ENPP7: variants seen among roughly 807,000 people sequenced by gnomAD.
ENPP7 encodes ectonucleotide pyrophosphatase/phosphodiesterase 7, also known as ectonucleotide pyrophosphatase/phosphodiesterase family member 7.
In ENPP7, 39 loss-of-function variants were observed where a neutral mutation model predicts 33.6. The observed-to-expected ratio is 1.16, with a 90% confidence interval of 0.90 to 1.52. ENPP7 has a LOEUF of 1.52. ENPP7 is among the 40% of genes most tolerant of loss of function. The probability of loss-of-function intolerance (pLI) is 0.00; values close to 1 mark genes in which losing one functional copy is unlikely to be tolerated. For synonymous variants in ENPP7, 244 were observed against 274.3 expected, an observed-to-expected ratio of 0.89 and a Z score of 1.09; for missense variants, 594 against 641.0, an observed-to-expected ratio of 0.93 and a Z score of 0.79.
Position 79,739,786 on chromosome 17 carries a change from CA to C in ENPP7, c.*16+1726del. ...ACTTGTCAACACAAGCTATGGGACT[CA>C]ATGAAAGCCCCCAGCCAGAAGGAGT... On this transcript the variant is annotated intron_variant, in intron 5 of 5. Transcript: ENST00000328313. The surrounding 1 kb of genome is among the most constrained non-coding windows in gnomAD (Gnocchi z 4.4). Among the ~76,000 whole-genome samples, 1 of 152,276 alleles carries C rather than the reference CA, an allele frequency of 6.6e-6. No homozygotes were observed. The highest frequency in any genetic ancestry group is 2.4e-5 in the African/African-American group (1 of 41,566).
At position 79,737,012 on chromosome 17, in the gene ENPP7, A is replaced by C. The variant is rs1220076431; in HGVS notation, c.1027-29A>C. On this transcript the variant is annotated intron_variant, in intron 3 of 5. Transcript: ENST00000328313. The surrounding 1 kb of genome is among the most constrained non-coding windows in gnomAD (Gnocchi z 5.5). ...AGAGGGTCTGTTGCTCCCAGCAAGG[A>C]CCCAGGACCCTTGCCCGCTCCCCGG... 1 of 1,597,858 alleles carries C rather than the reference A, an allele frequency of 6.3e-7. No homozygotes were observed. The highest frequency in any genetic ancestry group is 1.3e-5 in the African/African-American group (1 of 74,598).
chr17:79,739,668 G>C lies in ENPP7; in HGVS notation c.*16+1606G>C, dbSNP rs2094302114. ...TCGGCCGTGATCAGCCTCAATGCCGGCGACGCGGCCACGTGCAGCTGTTCC... is the reference window on the plus strand; with the variant it reads ...TCGGCCGTGATCAGCCTCAATGCCGCCGACGCGGCCACGTGCAGCTGTTCC... On this transcript the variant is annotated intron_variant, in intron 5 of 5. Coordinates refer to ENST00000328313, the MANE Select transcript of ENPP7 (RefSeq NM_178543.5). The surrounding 1 kb of genome is among the most constrained non-coding windows in gnomAD (Gnocchi z 4.4). 1 of 152,320 alleles carries C rather than the reference G, an allele frequency of 6.6e-6. No homozygotes were observed. Among genetic ancestry groups the C allele is most frequent in the African/African-American group, 2.4e-5 (1 of 41,468 alleles). The allele number at this position is 152,320 out of a possible 1,614,324, so 9.4% of individuals were successfully genotyped here. A position where few individuals can be genotyped will look rare whatever the true frequency, so the allele number is the denominator to read the frequency against.
chr17:79,731,427 G>A (rs781886341), intron 1 of ENPP7, 35 bp downstream of exon 1: 1 of 1,580,556 alleles, frequency 6.3e-7, no homozygotes, highest in East Asian at 2.3e-5. Context: ...CTGGGGGTGG[G>A]AGGGCCTGAG....
chr17:79,742,066 C>A lies in ENPP7; in HGVS notation c.*289C>A, dbSNP rs977693271. The A allele has an allele frequency of 2.0e-6, 1 of 492,052 alleles. No individual in the cohort carries two copies. The highest frequency in any genetic ancestry group is 2.6e-6 in the Non-Finnish European group (1 of 378,440). The allele number at this position is 492,052 out of a possible 1,614,324, so 30.5% of individuals were successfully genotyped here. The stretch of plus-strand genomic sequence containing the variant: ...CTTCGGGCCCCCTCCTCCTGCAAAA[C>A]CCGCTCCCGAAGCGGCGCTGCCGTC... On this transcript the variant is annotated 3_prime_UTR_variant, in exon 6 of 6. Coordinates refer to ENST00000328313, the MANE Select transcript of ENPP7 (RefSeq NM_178543.5).
At chr17:79,732,725 C>T (rs2094288785) in intron 1 of ENPP7, among the ~76,000 whole-genome samples, 1 of 152,180 alleles carries the variant, frequency 6.6e-6, no homozygotes, top group Non-Finnish European at 1.5e-5. Context: ...ATTTCGGGTC[C>T]ACACTTCTCT....
At chr17:79,740,342 G>A (rs1555824360) in intron 5 of ENPP7, among the ~76,000 whole-genome samples, 1 of 152,182 alleles carries the variant, frequency 6.6e-6, no homozygotes, top group Non-Finnish European at 1.5e-5. Context: ...AACCCCTCAG[G>A]CAGACGAGGA....
In ENPP7 at chr17:79,738,168, C is replaced by A; in HGVS notation, c.*16+106C>A. The A allele has an allele frequency of 8.2e-7, 1 of 1,218,850 alleles. No individual in the cohort carries two copies. Among genetic ancestry groups the A allele is most frequent in the Non-Finnish European group, 1.2e-6 (1 of 868,498 alleles). 75.5% of individuals were successfully genotyped at this position (1,218,850 alleles called of 1,614,324 possible). A position where few individuals can be genotyped will look rare whatever the true frequency, so the allele number is the denominator to read the frequency against. On this transcript the variant is annotated intron_variant, in intron 5 of 5. Coordinates refer to ENST00000328313, the MANE Select transcript of ENPP7 (RefSeq NM_178543.5). This position sits in a 1 kb window ranked among gnomAD's most constrained non-coding sequence, Gnocchi z 6.2. ...AGGCAACCAGAACAGAGCTGCCAGG[C>A]CCCGCCAAGCAGGTGACTCCCACTG...
At chr17:79,734,991 C>A (rs2094292386) in intron 2 of ENPP7, 52 bp from the exon 3 acceptor site, 2 of 1,580,320 alleles carry the variant, frequency 1.3e-6, no homozygotes, top group South Asian at 1.2e-5. Context: ...AGGCATGAGA[C>A]AAGGGGCAGC....
chr17:79,732,149 T>TATATATATATATATATATATATATACAC lies in ENPP7; in HGVS notation c.253+758_253+759insTATATATATATATATATATATATACACA, dbSNP rs1171801654. ...ATATATATGTATATATATATATATATACACACACATATATATATATATGAG... is the reference window on the plus strand; with the variant it reads ...ATATATATGTATATATATATATATATATATATATATATATATATATATATACACACACACACATATATATATATATGAG... On this transcript the variant is annotated intron_variant, in intron 1 of 5. Transcript: ENST00000328313. 5.5e-3 allele frequency among the ~76,000 whole-genome samples: 186 copies of TATATATATATATATATATATATATACAC among 34,044 alleles called. 1 individual carries two copies. Among genetic ancestry groups the TATATATATATATATATATATATATACAC allele is most frequent in the African/African-American group, 0.018 (174 of 9,726 alleles). The allele number at this position is 34,044 out of a possible 152,430, so 22.3% of individuals were successfully genotyped here.
Position 79,735,162 on chromosome 17 carries a change from A to G in ENPP7, c.519A>G (p.Arg173=), listed in dbSNP as rs1555823241. The G allele has an allele frequency of 6.2e-7, 1 of 1,613,212 alleles. No individual in the cohort carries two copies. The change falls in exon 3 of 6, where the codon AGA becomes AGG. Residue 173 remains arginine (R), a synonymous_variant. Coordinates refer to ENST00000328313, the MANE Select transcript of ENPP7 (RefSeq NM_178543.5). This position sits in a 1 kb window ranked among gnomAD's most constrained non-coding sequence, Gnocchi z 5.5. ...AHNYKNETEW[R]ANIDTVMAWF... ...ACTACAAAAATGAGACGGAGTGGAG[A>G]GCGAACATCGACACAGTGATGGCGT...
intron 1 of ENPP7, among the ~76,000 whole-genome samples, chr17:79,733,026 G>A (rs1021196508): frequency 2.6e-4 from 40 of 152,208 alleles, no homozygotes; most frequent in Non-Finnish European, 1.8e-4. Context: ...CCATGTGCAC[G>A]TGTTTCCTGT....
chr17:79,735,444 CT>C lies in ENPP7; in HGVS notation c.803del (p.Phe268SerfsTer64). 6.2e-7 allele frequency: 1 copy of C among 1,614,152 alleles called. No homozygotes were observed. Among genetic ancestry groups the C allele is most frequent in the South Asian group, 1.1e-5 (1 of 91,088 alleles). On this transcript the variant is annotated frameshift_variant, in exon 3 of 6. Coordinates refer to ENST00000328313, the MANE Select transcript of ENPP7 (RefSeq NM_178543.5). LOFTEE classifies it high-confidence loss of function. This position sits in a 1 kb window ranked among gnomAD's most constrained non-coding sequence, Gnocchi z 5.5. ...TGGTTGAATTCCACAAGTTCCCCAA[CT>C]TCACCTTCCGGGACATCGAGTTTGA... ...DLVEFHKFPNFTFRDIEFELL... is the reference protein window; with the variant it reads ...DLVEFHKFPNXTFRDIEFELL...
Position 79,738,165 on chromosome 17 carries a change from AG to A in ENPP7, c.*16+105del. ...CCTAGGCAACCAGAACAGAGCTGCC[AG>A]GCCCCGCCAAGCAGGTGACTCCCAC... On this transcript the variant is annotated intron_variant, in intron 5 of 5. Coordinates refer to ENST00000328313, the MANE Select transcript of ENPP7 (RefSeq NM_178543.5). The surrounding 1 kb of genome is among the most constrained non-coding windows in gnomAD (Gnocchi z 6.2). The A allele has an allele frequency of 8.0e-7, 1 of 1,247,418 alleles. No homozygotes were observed. The highest frequency in any genetic ancestry group is 1.1e-6 in the Non-Finnish European group (1 of 892,284). 77.3% of individuals were successfully genotyped at this position (1,247,418 alleles called of 1,614,324 possible).
chr17:79,736,656 A>G (rs553085053), intron 3 of ENPP7, among the ~76,000 whole-genome samples: 1 of 151,860 alleles, frequency 6.6e-6, no homozygotes, highest in East Asian at 1.9e-4. Context: ...CAGGAGCCCA[A>G]CCTCCCCTCA....
intron 2 of ENPP7, 33 bp downstream of exon 2, chr17:79,733,686 G>A (rs782411863): frequency 1.9e-6 from 3 of 1,570,628 alleles, no homozygotes; most frequent in South Asian, 2.3e-5. Flanking sequence ...TGACATCGCA[G>A]AGCACGGGGG....
intron 1 of ENPP7, among the ~76,000 whole-genome samples, chr17:79,733,234 C>T (rs1379442093): frequency 2.0e-5 from 3 of 152,182 alleles, no homozygotes; most frequent in African/African-American, 7.2e-5. Flanking sequence ...CCTGTGTGCC[C>T]GTCCAGCTGT....
intron 2 of ENPP7, 94 bp downstream of exon 2, chr17:79,733,747 C>T (rs868995048): frequency 1.5e-6 from 2 of 1,332,508 alleles, no homozygotes; most frequent in Non-Finnish European, 2.0e-6. Context: ...CGGCAGGTCC[C>T]TTCCCCACTC....
At chr17:79,733,788 C>A in intron 2 of ENPP7, 135 bp downstream of exon 2, 2 of 956,144 alleles carry the variant, frequency 2.1e-6, no homozygotes, top group Non-Finnish European at 3.1e-6. Flanking sequence ...CCTACCCTGG[C>A]ACAGAAGGGT....
rs1370315605 is a variant in ENPP7, at chr17:79,737,707, G to A, written c.1247-209G>A. On this transcript the variant is annotated intron_variant, in intron 4 of 5. Transcript: ENST00000328313. The surrounding 1 kb of genome is among the most constrained non-coding windows in gnomAD (Gnocchi z 5.5). ...GCCACCTGGAAACTGACAAGGTGGC[G>A]ACCCCGGCGGGGGCCTGGCTGGAGA... is the stretch of plus-strand genomic sequence containing the variant. Among the ~76,000 whole-genome samples, 2 of 152,142 alleles carry A rather than the reference G, an allele frequency of 1.3e-5. No individual in the cohort carries two copies. Among genetic ancestry groups the A allele is most frequent in the Non-Finnish European group, 2.9e-5 (2 of 68,024 alleles).
Sources: gnomAD v4.1 joint callset for allele counts (sites outside exome capture counted in the v4.1 genomes callset) on GRCh38, gnomAD v4.1.1 for gene constraint, Gnocchi (gnomAD v3.1) non-coding constraint, MANE v1.5 for transcripts, NCBI Gene and HGNC (gene_info 2026-07-23, HGNC 2026-07-21) for gene names.